Variants in RANBP2 observed in about 807,000 individuals in gnomAD.
RANBP2 encodes E3 SUMO-protein ligase RanBP2.
In RANBP2, 57 loss-of-function variants were observed where a neutral mutation model predicts 303.6. The ratio of observed to expected loss-of-function variants is 0.19; its 90% CI spans 0.15 to 0.23. RANBP2 has a LOEUF of 0.23. Ranked by LOEUF, RANBP2 falls within the 10% of genes least tolerant of loss-of-function variation. RANBP2 has a pLI of 1.00. For synonymous variants in RANBP2, 1,167 were observed against 1,301.5 expected (o/e 0.90, Z 2.23); for missense variants, 3,138 against 3,780.8 (o/e 0.83, Z 4.46).
the RANBP2 span, among the ~76,000 whole-genome samples, chr2:109,519,147 G>GACCTCAGGTGATCTGCCCACCTC: frequency 6.6e-6 from 1 of 152,134 alleles, no homozygotes; most frequent in Non-Finnish European, 1.5e-5. Flanking sequence ...TTGAACTCCT[G>GACCTCAGGTGATCTGCCCACCTC]ACCTCAGGTG....
At position 108,750,081 on chromosome 2, in the gene RANBP2, G is replaced by T. The variant is rs1281449772; in HGVS notation, c.1273+952G>T. 2.0e-5 allele frequency among the ~76,000 whole-genome samples: 3 copies of T among 152,258 alleles called. No individual in the cohort carries two copies. The East Asian group carries it at 5.8e-4, about 29-fold the overall frequency. On this transcript the variant is annotated intron_variant, in intron 9 of 28. Transcript: ENST00000283195. ...GAATCGCTTCAACCCGGGAGGCGGA[G>T]GTTGCAGTGAGCCAAGATCACACTG...
At chr2:109,760,989 G>T in the RANBP2 span, among the ~76,000 whole-genome samples, 1 of 133,970 alleles carries the variant, frequency 7.5e-6, no homozygotes, top group South Asian at 2.5e-4. Context: ...CGCCTCCCTC[G>T]CGGCGGCCCG....
the RANBP2 span, among the ~76,000 whole-genome samples, chr2:109,362,073 AT>A: frequency 6.6e-6 from 1 of 151,516 alleles, no homozygotes. Flanking sequence ...AATTTCATTG[AT>A]TTCTTCTATT....
the RANBP2 span, among the ~76,000 whole-genome samples, chr2:109,334,812 T>A: frequency 0.13 from 19,064 of 152,298 alleles, 1,353 homozygotes; most frequent in East Asian, 0.25. Context: ...CCAACTAGAA[T>A]GTTATGTGCC....
chr2:109,404,346 C>T, the RANBP2 span, among the ~76,000 whole-genome samples: 535 of 152,272 alleles, frequency 3.5e-3, 6 homozygotes, highest in African/African-American at 0.012. Flanking sequence ...AAGGTGAGCT[C>T]GAGGCCTGGC....
rs779891793 is a variant in RANBP2 at position 108,751,714 on chromosome 2, A to G, written c.1631+11A>G. On this transcript the variant is annotated intron_variant, in intron 11 of 28. Transcript: ENST00000283195. ...TCACAGAAAAGCAGTGTAAGTAGTA[A>G]AACAAAAATATTGCTTTCACTTAGT... The G allele has an allele frequency of 1.2e-6, 2 of 1,609,580 alleles. No homozygotes were observed. Among genetic ancestry groups the G allele is most frequent in the Non-Finnish European group, 1.7e-6 (2 of 1,179,036 alleles).
the RANBP2 span, among the ~76,000 whole-genome samples, chr2:109,344,801 C>T: frequency 7.2e-5 from 11 of 152,212 alleles, no homozygotes; most frequent in African/African-American, 2.6e-4. Context: ...GTGGGGATTT[C>T]ATGGCCAGAG....
At chr2:108,881,772 C>A in the RANBP2 span, among the ~76,000 whole-genome samples, 3 of 152,184 alleles carry the variant, frequency 2.0e-5, no homozygotes, top group Non-Finnish European at 2.9e-5. Context: ...GCAGTCATAA[C>A]ACACAAATTC....
At chr2:108,886,081 T>C in the RANBP2 span, among the ~76,000 whole-genome samples, 9,775 of 152,280 alleles carry the variant, frequency 0.064, 390 homozygotes, top group South Asian at 0.15. Context: ...GGGGGTGATA[T>C]ATATCAGTAT....
the RANBP2 span, among the ~76,000 whole-genome samples, chr2:108,994,431 C>A: frequency 6.6e-6 from 1 of 152,158 alleles, no homozygotes; most frequent in African/African-American, 2.4e-5. Flanking sequence ...TTGAATAGTG[C>A]AAAGGTTCAA....
chr2:108,823,254 A>G, the RANBP2 span, among the ~76,000 whole-genome samples: 1 of 152,210 alleles, frequency 6.6e-6, no homozygotes, highest in Admixed American at 6.5e-5. Flanking sequence ...TCTTCGAAAA[A>G]ATTGAAAGGG....
At chr2:108,754,347 C>T (rs1573778797) in intron 15 of RANBP2, among the ~76,000 whole-genome samples, 1 of 151,460 alleles carries the variant, frequency 6.6e-6, no homozygotes, top group Non-Finnish European at 1.5e-5. Context: ...CATTTCTTCT[C>T]ATCCTCATCA....
At chr2:109,392,259 G>A in the RANBP2 span, among the ~76,000 whole-genome samples, 2 of 152,106 alleles carry the variant, frequency 1.3e-5, no homozygotes, top group African/African-American at 2.4e-5. Context: ...GGGCCTCCTC[G>A]TACTCTGCAG....
At chr2:109,559,141 C>T in the RANBP2 span, among the ~76,000 whole-genome samples, 4 of 152,300 alleles carry the variant, frequency 2.6e-5, 1 homozygote, top group South Asian at 8.3e-4. Context: ...CCACCTTGGC[C>T]TCCCAAAGTA....
chr2:108,925,339 T>G, the RANBP2 span, among the ~76,000 whole-genome samples: 32 of 152,368 alleles, frequency 2.1e-4, no homozygotes, highest in African/African-American at 7.5e-4. Context: ...CCATCCTAGT[T>G]CACACCCCAG....
At chr2:109,047,675 T>G in the RANBP2 span, among the ~76,000 whole-genome samples, 1 of 152,192 alleles carries the variant, frequency 6.6e-6, no homozygotes, top group South Asian at 2.1e-4. Flanking sequence ...CTGAGCGTGG[T>G]GGCAGGCACC....
At chr2:108,926,206 G>A in the RANBP2 span, among the ~76,000 whole-genome samples, 2 of 152,100 alleles carry the variant, frequency 1.3e-5, no homozygotes, top group African/African-American at 2.4e-5. Context: ...GTTCATTTAG[G>A]GATCTCTGGC....
At chr2:108,904,445 A>G in the RANBP2 span, among the ~76,000 whole-genome samples, 112 of 152,338 alleles carry the variant, frequency 7.4e-4, 1 homozygote, top group African/African-American at 2.5e-3. Flanking sequence ...ATACAACCCA[A>G]CAAATGTACT....
At chr2:108,840,325 A>T in the RANBP2 span, among the ~76,000 whole-genome samples, 1 of 152,108 alleles carries the variant, frequency 6.6e-6, no homozygotes, top group African/African-American at 2.4e-5. Flanking sequence ...TTGGTTTTGT[A>T]TCAGGGCAAT....
Sources: allele counts gnomAD v4.1 joint callset (sites outside exome capture counted in the v4.1 genomes callset), GRCh38; gene constraint gnomAD v4.1.1; transcripts MANE v1.5; gene names NCBI Gene and HGNC (gene_info 2026-07-23, HGNC 2026-07-21).